The following NYAP2 variants were observed in gnomAD, a reference collection of about 807,000 sequenced individuals.
NYAP2 encodes neuronal tyrosine-phosphorylated phosphoinositide-3-kinase adapter 2.
Under a neutral mutation model 50.4 loss-of-function variants are expected in NYAP2, and 23 were observed. The ratio of observed to expected loss-of-function variants is 0.46; its 90% CI spans 0.33 to 0.65. The LOEUF is 0.65. Among genes scored for constraint, NYAP2 ranks in the 30% least tolerant of loss-of-function variants. The pLI, the probability that NYAP2 is intolerant of heterozygous loss-of-function variation, is 0.02. For missense variants in NYAP2, 885 were observed against 861.0 expected, an observed-to-expected ratio of 1.03 and a Z score of -0.35; for synonymous variants, 394 against 365.2, an observed-to-expected ratio of 1.08 and a Z score of -0.90.
intron 4 of NYAP2, among the ~76,000 whole-genome samples, chr2:225,569,938 C>T (rs1046875388): frequency 6.6e-6 from 1 of 152,080 alleles, no homozygotes; most frequent in Non-Finnish European, 1.5e-5. Context: ...TTTCTTTATC[C>T]TACTAGACTT....
intron 3 of NYAP2, among the ~76,000 whole-genome samples, chr2:225,456,967 C>T (rs1429339856): frequency 6.6e-6 from 1 of 152,166 alleles, no homozygotes; most frequent in Non-Finnish European, 1.5e-5. Flanking sequence ...TGTGCTCTTT[C>T]TGGCTGCTTG....
chr2:225,609,997 G>T (rs576519984), intron 5 of NYAP2, among the ~76,000 whole-genome samples: 1 of 152,102 alleles, frequency 6.6e-6, no homozygotes, highest in Non-Finnish European at 1.5e-5. Context: ...CTCATTGTGC[G>T]TTGGTTTCTT....
intron 3 of NYAP2, among the ~76,000 whole-genome samples, chr2:225,492,279 A>C (rs934104149): frequency 2.0e-5 from 3 of 152,206 alleles, no homozygotes; most frequent in African/African-American, 4.8e-5. Context: ...TTACATTCTA[A>C]GACTCTACAC....
At chr2:225,550,704 G>C (rs1025439671) in intron 4 of NYAP2, among the ~76,000 whole-genome samples, 1 of 152,158 alleles carries the variant, frequency 6.6e-6, no homozygotes, top group African/African-American at 2.4e-5. Flanking sequence ...ATCCAGAGAA[G>C]AAAGAAACAC....
chr2:225,520,019 C>T (rs1301700278), intron 4 of NYAP2, among the ~76,000 whole-genome samples: 2 of 152,110 alleles, frequency 1.3e-5, no homozygotes, highest in Non-Finnish European at 2.9e-5. Context: ...TCTCTGATGG[C>T]CAGTGATGGT....
At chr2:225,538,783 TTTCTTTCTTTCTTTCTTTCTTTC>T (rs1396049324) in intron 4 of NYAP2, among the ~76,000 whole-genome samples, 4 of 38,760 alleles carry the variant, frequency 1.0e-4, no homozygotes, top group Middle Eastern at 0.011. Flanking sequence ...TTTTCTTTTC[TTTCTTTCTTTCTTTCTTTCTTTC>T]TTTCTTTCTT....
At chr2:225,480,181 T>C (rs1436968473) in intron 3 of NYAP2, among the ~76,000 whole-genome samples, 1 of 152,108 alleles carries the variant, frequency 6.6e-6, no homozygotes, top group African/African-American at 2.4e-5. Flanking sequence ...ATGTTAAGAC[T>C]AAAAATTCAA....
At chr2:225,591,782 A>G (rs2106235997) in intron 5 of NYAP2, among the ~76,000 whole-genome samples, 1 of 152,302 alleles carries the variant, frequency 6.6e-6, no homozygotes, top group Middle Eastern at 3.4e-3. Context: ...AAAATTCACC[A>G]ATTTTCATCA....
In NYAP2 at chr2:225,627,123, TCAGGTAAGG is replaced by T. The variant is rs1383077723; in HGVS notation, c.1828+1_1828+9del. 1 of 1,580,276 alleles carries T rather than the reference TCAGGTAAGG, an allele frequency of 6.3e-7. No individual in the cohort carries two copies. Among genetic ancestry groups the T allele is most frequent in the Non-Finnish European group, 8.6e-7 (1 of 1,162,568 alleles). On this transcript the variant is annotated splice_donor_variant and splice_donor_5th_base_variant and coding_sequence_variant and intron_variant, in exon 6 of 7. Transcript: ENST00000636099. LOFTEE classifies it high-confidence loss of function. ...CACCTTGTTAGCGGGAAACCACAGT[TCAGGTAAGG>T]CAGATTATGATCTTCCAGAAGGTAA...
At chr2:225,461,011 A>G (rs1219892537) in intron 3 of NYAP2, among the ~76,000 whole-genome samples, 1 of 151,896 alleles carries the variant, frequency 6.6e-6, no homozygotes, top group African/African-American at 2.4e-5. Flanking sequence ...AAAAAAAAAA[A>G]AAAAAAGATT....
At chr2:225,606,454 T>C (rs1232914481) in intron 5 of NYAP2, among the ~76,000 whole-genome samples, 1 of 152,188 alleles carries the variant, frequency 6.6e-6, no homozygotes, top group East Asian at 1.9e-4. Flanking sequence ...CTAATTGTAA[T>C]TTCCTATGAG....
intron 6 of NYAP2, among the ~76,000 whole-genome samples, chr2:225,643,628 G>A (rs1360699173): frequency 6.9e-6 from 1 of 144,010 alleles, no homozygotes; most frequent in East Asian, 2.0e-4. Context: ...AGAGTGTGAT[G>A]TTCCCCTTCC....
chr2:225,514,091 G>C (rs746696818), intron 4 of NYAP2, among the ~76,000 whole-genome samples: 2 of 152,120 alleles, frequency 1.3e-5, no homozygotes, highest in African/African-American at 2.4e-5. Context: ...TCCTTCCAAT[G>C]AATATGAATT....
chr2:225,515,065 T>C (rs1350360978), intron 4 of NYAP2, among the ~76,000 whole-genome samples: 1 of 152,200 alleles, frequency 6.6e-6, no homozygotes, highest in African/African-American at 2.4e-5. Context: ...TCCTCTCTCA[T>C]TGGTGTTCAG....
intron 4 of NYAP2, among the ~76,000 whole-genome samples, chr2:225,521,441 A>G (rs1408675675): frequency 6.6e-6 from 1 of 151,832 alleles, no homozygotes; most frequent in Non-Finnish European, 1.5e-5. Context: ...ATTTTGAGAT[A>G]CATCCCATCA....
At chr2:225,492,577 T>C (rs1422323920) in intron 3 of NYAP2, among the ~76,000 whole-genome samples, 1 of 152,234 alleles carries the variant, frequency 6.6e-6, no homozygotes, top group Non-Finnish European at 1.5e-5. Context: ...GATAGAGAAA[T>C]ACTGAAGTTG....
At chr2:225,622,560 T>TCTTTC (rs201266202) in intron 5 of NYAP2, among the ~76,000 whole-genome samples, 226 of 19,762 alleles carry the variant, frequency 0.011, 5 homozygotes, top group African/African-American at 0.029. Flanking sequence ...TTTCTTTCTT[T>TCTTTC]TTCTTTCTTT....
At chr2:225,468,874 T>C (rs565956680) in intron 3 of NYAP2, among the ~76,000 whole-genome samples, 2 of 152,324 alleles carry the variant, frequency 1.3e-5, no homozygotes, top group Admixed American at 6.5e-5. Flanking sequence ...GACTATTTAT[T>C]TGAATTACTA....
At chr2:225,601,162 C>T (rs2106241691) in intron 5 of NYAP2, among the ~76,000 whole-genome samples, 1 of 150,352 alleles carries the variant, frequency 6.7e-6, no homozygotes, top group African/African-American at 2.5e-5. Context: ...CTTGCTGTCC[C>T]CAGGCTGGAG....
Sources: allele counts gnomAD v4.1 joint callset (sites outside exome capture counted in the v4.1 genomes callset), GRCh38; gene constraint gnomAD v4.1.1; transcripts MANE v1.5; gene names NCBI Gene and HGNC (gene_info 2026-07-23, HGNC 2026-07-21).